Variants in RBFOX1 observed in about 807,000 individuals in gnomAD.
RBFOX1 encodes RNA binding protein fox-1 homolog 1.
In RBFOX1, 8 loss-of-function variants were observed where a neutral mutation model predicts 57.7. The observed-to-expected ratio is 0.14, with a 90% CI of 0.08 to 0.25. RBFOX1 has a LOEUF of 0.25. Among genes scored for constraint, RBFOX1 ranks in the 10% least tolerant of loss-of-function variants. RBFOX1 has a pLI of 1.00. For missense variants in RBFOX1, 611 were observed against 548.5 expected (o/e 1.11, Z -1.14); for synonymous variants, 326 against 222.4 (o/e 1.47, Z -4.15).
chr16:7,303,893 T>C (rs1390918202), intron 4 of RBFOX1, among the ~76,000 whole-genome samples: 1 of 135,898 alleles, frequency 7.4e-6, no homozygotes, highest in African/African-American at 2.7e-5. Flanking sequence ...CCATTCAGCC[T>C]CTTCGGGAGG....
chr16:6,927,462 G>C (rs1250639711), intron 3 of RBFOX1, among the ~76,000 whole-genome samples: 2 of 135,654 alleles, frequency 1.5e-5, no homozygotes, highest in African/African-American at 3.1e-5. Flanking sequence ...GTGTTAACAG[G>C]CTGATCATTA....
intron 2 of RBFOX1, among the ~76,000 whole-genome samples, chr16:6,507,135 G>A (rs978583143): frequency 1.3e-5 from 2 of 152,100 alleles, no homozygotes; most frequent in African/African-American, 4.8e-5. Context: ...AGCCTTCTGA[G>A]CCAGCATCGT....
At chr16:5,421,426 G>T (rs1306620184) in intron 1 of RBFOX1, among the ~76,000 whole-genome samples, 1 of 152,216 alleles carries the variant, frequency 6.6e-6, no homozygotes, top group Non-Finnish European at 1.5e-5. Context: ...CCAAATGGCA[G>T]CTTGGCCTTG....
intron 2 of RBFOX1, among the ~76,000 whole-genome samples, chr16:6,493,082 G>C (rs1449504626): frequency 2.0e-5 from 3 of 152,108 alleles, no homozygotes; most frequent in South Asian, 4.1e-4. Flanking sequence ...TAAGAGAAAA[G>C]CCTCCATTTT....
intron 3 of RBFOX1, among the ~76,000 whole-genome samples, chr16:7,041,281 C>T (rs768327028): frequency 2.0e-5 from 3 of 151,884 alleles, no homozygotes; most frequent in Non-Finnish European, 4.4e-5. Flanking sequence ...TTTGTTTACA[C>T]GTTGTCAGTG....
intron 3 of RBFOX1, among the ~76,000 whole-genome samples, chr16:6,919,815 G>A (rs1035721760): frequency 1.4e-5 from 2 of 146,354 alleles, no homozygotes; most frequent in Non-Finnish European, 3.0e-5. Flanking sequence ...AGTTCTGGGA[G>A]AACAAGTGGT....
At chr16:7,364,254 C>G (rs761497726) in intron 4 of RBFOX1, among the ~76,000 whole-genome samples, 1 of 152,124 alleles carries the variant, frequency 6.6e-6, no homozygotes, top group Non-Finnish European at 1.5e-5. Context: ...AAGCACTTGG[C>G]TGCCAGGAAA....
intron 3 of RBFOX1, among the ~76,000 whole-genome samples, chr16:5,687,123 C>G (rs558618270): frequency 1.3e-5 from 2 of 152,280 alleles, no homozygotes; most frequent in East Asian, 1.9e-4. Flanking sequence ...ATTACCCTGT[C>G]TACTCTTTTA....
At chr16:6,323,584 G>A (rs922572777) in intron 2 of RBFOX1, among the ~76,000 whole-genome samples, 10 of 152,056 alleles carry the variant, frequency 6.6e-5, no homozygotes, top group African/African-American at 1.9e-4. Context: ...CATGACTGCC[G>A]GTGGCAACCC....
At chr16:6,042,036 C>T (rs1043099981) in intron 1 of RBFOX1, among the ~76,000 whole-genome samples, 1 of 151,914 alleles carries the variant, frequency 6.6e-6, no homozygotes, top group African/African-American at 2.4e-5. Flanking sequence ...CCTCCTCCAT[C>T]TTCAAAGCCA....
rs139800306 is a variant in RBFOX1 at position 7,333,116 on chromosome 16, A to G, written c.28-185031A>G. ...AATTCAAGGCCTCTGCCAGCCAGCA[A>G]CTTAACTCCAGAGTGCTCAGAGTAA... On this transcript the variant is annotated intron_variant, in intron 4 of 15. Coordinates refer to ENST00000550418, the MANE Select transcript of RBFOX1 (RefSeq NM_018723.4). The G allele has an allele frequency of 3.3e-5, 53 of 1,594,758 alleles. No individual in the cohort carries two copies. In the South Asian group the frequency reaches 4.6e-4, roughly 14 times the overall value.
intron 1 of RBFOX1, among the ~76,000 whole-genome samples, chr16:6,029,772 CAAAAAAAAA>C (rs57851398): frequency 9.8e-6 from 1 of 102,348 alleles, no homozygotes; most frequent in Non-Finnish European, 1.8e-5. Context: ...GACTCCGTCT[CAAAAAAAAA>C]AAAAAAAAAA....
intron 2 of RBFOX1, among the ~76,000 whole-genome samples, chr16:6,546,150 C>T (rs2096891754): frequency 6.6e-6 from 1 of 152,188 alleles, no homozygotes; most frequent in Non-Finnish European, 1.5e-5. Flanking sequence ...CCACATGTGA[C>T]CTGTGGGCCA....
chr16:7,376,055 T>C (rs1417356199), intron 4 of RBFOX1, among the ~76,000 whole-genome samples: 1 of 152,200 alleles, frequency 6.6e-6, no homozygotes, highest in Non-Finnish European at 1.5e-5. Flanking sequence ...TTTTTTATTG[T>C]TCTGAAAAGT....
At chr16:6,840,905 C>T (rs9928886) in intron 3 of RBFOX1, among the ~76,000 whole-genome samples, 6 of 136,742 alleles carry the variant, frequency 4.4e-5, no homozygotes, top group Admixed American at 2.2e-4. Context: ...AAAAAAAAAA[C>T]GAAAAAAGGT....
chr16:6,573,348 C>G (rs943688083), intron 2 of RBFOX1, among the ~76,000 whole-genome samples: 4 of 152,182 alleles, frequency 2.6e-5, no homozygotes, highest in Non-Finnish European at 4.4e-5. Context: ...TCTCCTGCCC[C>G]GGACTGTCTT....
At chr16:5,734,616 C>T (rs1331486104) in intron 3 of RBFOX1, among the ~76,000 whole-genome samples, 1 of 152,092 alleles carries the variant, frequency 6.6e-6, no homozygotes, top group Non-Finnish European at 1.5e-5. Flanking sequence ...CCACTGATCT[C>T]AAAGCTAGGT....
At chr16:6,104,884 G>T (rs1358024573) in intron 1 of RBFOX1, among the ~76,000 whole-genome samples, 6 of 152,158 alleles carry the variant, frequency 3.9e-5, no homozygotes, top group Non-Finnish European at 8.8e-5. Flanking sequence ...GTCCAGAAAA[G>T]GCAAACCTAA....
chr16:5,956,678 A>ATATTTTTTTTTTTTT (rs368096576), intron 4 of RBFOX1, among the ~76,000 whole-genome samples: 9 of 116,496 alleles, frequency 7.7e-5, no homozygotes, highest in South Asian at 2.6e-4. Context: ...ATATATATAT[A>ATATTTTTTTTTTTTT]TTTTTTTTGA....
Sources: allele counts gnomAD v4.1 joint callset (sites outside exome capture counted in the v4.1 genomes callset), GRCh38; gene constraint gnomAD v4.1.1; transcripts MANE v1.5; gene names NCBI Gene and HGNC (gene_info 2026-07-23, HGNC 2026-07-21).